The following HORMAD2 variants were observed in gnomAD, a reference collection of about 807,000 sequenced individuals.
HORMAD2 encodes the protein HORMA domain-containing protein 2.
In HORMAD2, 45 loss-of-function variants were observed where a neutral mutation model predicts 38.8. That is an observed-to-expected ratio of 1.16 (90% confidence interval 0.91 to 1.49). HORMAD2 has a LOEUF of 1.49. HORMAD2 is among the 40% of genes most tolerant of loss of function. The probability of loss-of-function intolerance (pLI) is 0.00; values close to 1 mark genes in which losing one functional copy is unlikely to be tolerated. For missense variants in HORMAD2, 338 were observed against 367.0 expected, an observed-to-expected ratio of 0.92 and a Z score of 0.65; for synonymous variants, 126 against 122.8, an observed-to-expected ratio of 1.03 and a Z score of -0.17.
At chr22:30,124,520 C>G (rs1922700327) in intron 10 of HORMAD2, among the ~76,000 whole-genome samples, 1 of 152,164 alleles carries the variant, frequency 6.6e-6, no homozygotes, top group African/African-American at 2.4e-5. Flanking sequence ...TCCTGACCTT[C>G]ATGATAACCT....
chr22:30,104,706 G>A (rs1010387998), intron 5 of HORMAD2: 3 of 306,082 alleles, frequency 9.8e-6, no homozygotes, highest in African/African-American at 2.2e-5. Flanking sequence ...TCCACAGGAT[G>A]TGGGACAGGA....
intron 1 of HORMAD2, among the ~76,000 whole-genome samples, chr22:30,092,602 T>C (rs1024108875): frequency 2.6e-5 from 4 of 152,094 alleles, no homozygotes; most frequent in Non-Finnish European, 5.9e-5. Flanking sequence ...CTGAAGCATT[T>C]TTCCTGTGTT....
chr22:30,079,552 C>T (rs886823918), upstream of HORMAD2, among the ~76,000 whole-genome samples: 1 of 152,152 alleles, frequency 6.6e-6, no homozygotes, highest in African/African-American at 2.4e-5. Context: ...GTTGCCCAGG[C>T]TGGAGTGCAA....
At chr22:30,121,842 C>G in intron 9 of HORMAD2, 53 bp downstream of exon 9, 5 of 1,559,006 alleles carry the variant, frequency 3.2e-6, no homozygotes, top group African/African-American at 1.4e-5. Flanking sequence ...CTAATATTTT[C>G]TATAAGTAAA....
chr22:30,117,669 C>G (rs1262759055), intron 7 of HORMAD2, among the ~76,000 whole-genome samples: 2 of 151,916 alleles, frequency 1.3e-5, no homozygotes, highest in African/African-American at 2.4e-5. Context: ...CCACCACGCC[C>G]GGCTAATTTT....
At chr22:30,080,749 A>G (rs996970623) in intron 1 of HORMAD2, among the ~76,000 whole-genome samples, 11 of 152,102 alleles carry the variant, frequency 7.2e-5, no homozygotes, top group Non-Finnish European at 1.2e-4. Context: ...TTTGAAATTC[A>G]GATTTTTCTG....
chr22:30,082,519 G>T (rs2068500114), intron 1 of HORMAD2, among the ~76,000 whole-genome samples: 1 of 151,896 alleles, frequency 6.6e-6, no homozygotes, highest in Non-Finnish European at 1.5e-5. Flanking sequence ...GGCGTGGTGT[G>T]GTGTCTCATA....
rs561435496 is a variant in HORMAD2 at position 30,151,527 on chromosome 22, C to G, written c.820-24536C>G. Among the ~76,000 whole-genome samples the G allele has an allele frequency of 3.9e-5, 6 of 152,086 alleles. No homozygotes were observed. The South Asian group carries it at 1.2e-3, about 32-fold the overall frequency. ...TCAACATGAAAAATACTTCCTAATA[C>G]TATAAAAATACTATAAAACTATATT... On this transcript the variant is annotated intron_variant, in intron 10 of 10. Transcript: ENST00000336726.
chr22:30,080,361 C>T (rs1222115082), upstream of HORMAD2: 1 of 152,258 alleles, frequency 6.6e-6, no homozygotes, highest in African/African-American at 2.4e-5. Flanking sequence ...GTGGACGGGT[C>T]ATGAATTATT....
At chr22:30,124,290 CACAT>C (rs1024624485) in intron 10 of HORMAD2, among the ~76,000 whole-genome samples, 16 of 143,706 alleles carry the variant, frequency 1.1e-4, no homozygotes, top group African/African-American at 2.7e-4. Flanking sequence ...CACACACACA[CACAT>C]ACATACATGT....
chr22:30,113,342 G>C (rs772601006), intron 7 of HORMAD2, among the ~76,000 whole-genome samples: 3 of 151,860 alleles, frequency 2.0e-5, no homozygotes, highest in African/African-American at 4.8e-5. Flanking sequence ...AGCCTCCTGA[G>C]TAGCTGGGAC....
At chr22:30,132,965 A>G (rs1461357115) in intron 10 of HORMAD2, among the ~76,000 whole-genome samples, 1 of 152,222 alleles carries the variant, frequency 6.6e-6, no homozygotes, top group African/African-American at 2.4e-5. Context: ...CCCTAGCATT[A>G]AAATAAATAA....
chr22:30,089,598 G>A lies in HORMAD2; in HGVS notation c.-37-4318G>A, dbSNP rs183205558. 2.2e-4 allele frequency among the ~76,000 whole-genome samples: 33 copies of A among 152,202 alleles called. 1 individual carries two copies. In the East Asian group the frequency reaches 6.0e-3, roughly 28 times the overall value. On this transcript the variant is annotated intron_variant, in intron 1 of 10. Transcript: ENST00000336726. ...GATCTCCTGACCTCGTGATCCACCC[G>A]CCTTGGCCTCCCAAAGTCCTGGGAT...
chr22:30,188,736 C>A, the HORMAD2 span, among the ~76,000 whole-genome samples: 1 of 152,174 alleles, frequency 6.6e-6, no homozygotes, highest in Non-Finnish European at 1.5e-5. Context: ...AAACTCACCC[C>A]ACCTCCTTAT....
At chr22:30,092,002 A>G (rs1054588807) in intron 1 of HORMAD2, among the ~76,000 whole-genome samples, 8 of 151,506 alleles carry the variant, frequency 5.3e-5, no homozygotes, top group Non-Finnish European at 8.8e-5. Context: ...TCAGCCTCTC[A>G]AGAAGCTGGG....
At chr22:30,125,749 A>G (rs1007473521) in intron 10 of HORMAD2, among the ~76,000 whole-genome samples, 62 of 152,314 alleles carry the variant, frequency 4.1e-4, no homozygotes, top group African/African-American at 1.4e-3. Flanking sequence ...ATGGAGTGAA[A>G]TAGACCAGAC....
Position 30,121,703 on chromosome 22 carries a change from TC to T in HORMAD2, c.484del (p.Arg162ValfsTer6). On this transcript the variant is annotated frameshift_variant, in exon 9 of 11. Coordinates refer to ENST00000336726, the MANE Select transcript of HORMAD2 (RefSeq NM_152510.4). LOFTEE classifies it high-confidence loss of function. ...EDIKKASVLL[I>X]RKLYILMQDL... ...ATTAAGAAAGCCAGTGTTCTACTGA[TC>T]CGTAAATTGTATATACTGATGCAGG... 6.2e-7 allele frequency: 1 copy of T among 1,610,786 alleles called. No individual in the cohort carries two copies. The highest frequency in any genetic ancestry group is 1.1e-5 in the South Asian group (1 of 90,382).
chr22:30,197,775 A>G, the HORMAD2 span, among the ~76,000 whole-genome samples: 3 of 145,014 alleles, frequency 2.1e-5, no homozygotes, highest in African/African-American at 7.8e-5. Flanking sequence ...ATAATGAGTT[A>G]AAAAAAAAAA....
chr22:30,170,970 A>G (rs12167317), intron 10 of HORMAD2, among the ~76,000 whole-genome samples: 5,732 of 152,194 alleles, frequency 0.038, 194 homozygotes, highest in Admixed American at 0.11. Context: ...ACCTGACACT[A>G]TTGACCACCA....
Sources: gnomAD v4.1 joint callset for allele counts (sites outside exome capture counted in the v4.1 genomes callset) on GRCh38, gnomAD v4.1.1 for gene constraint, MANE v1.5 for transcripts, NCBI Gene and HGNC (gene_info 2026-07-23, HGNC 2026-07-21) for gene names.